TTLL11: variants seen among roughly 807,000 people sequenced by gnomAD.
TTLL11 encodes the protein tubulin polyglutamylase TTLL11.
TTLL11 carries 42 observed loss-of-function variants against 51.7 expected under a neutral mutation model. The ratio of observed to expected loss-of-function variants is 0.81; its 90% confidence interval spans 0.64 to 1.05. The LOEUF (loss-of-function observed/expected upper bound fraction) is 1.05, where lower values mean the gene tolerates loss of function less well. TTLL11 is among the 50% of genes least tolerant of loss of function. The pLI is 0.00. For missense variants in TTLL11, 799 were observed against 940.4 expected (o/e 0.85, Z 1.97); for synonymous variants, 381 against 383.5 (o/e 0.99, Z 0.08).
At chr9:121,899,402 T>TACAC (rs1323281447) in intron 6 of TTLL11, among the ~76,000 whole-genome samples, 6 of 82,788 alleles carry the variant, frequency 7.2e-5, no homozygotes, top group African/African-American at 2.1e-4. Context: ...TATATATATA[T>TACAC]ACACACACAC....
intron 1 of TTLL11, among the ~76,000 whole-genome samples, chr9:122,056,991 T>A (rs1242307114): frequency 6.6e-6 from 1 of 152,088 alleles, no homozygotes; most frequent in African/African-American, 2.4e-5. Flanking sequence ...CACAGAGGAA[T>A]CATAGAGGAA....
At chr9:122,084,689 A>G (rs1846079040) in intron 1 of TTLL11, among the ~76,000 whole-genome samples, 1 of 152,232 alleles carries the variant, frequency 6.6e-6, no homozygotes, top group Admixed American at 6.5e-5. Flanking sequence ...ATGTATTCTT[A>G]CTTTAAAGTG....
chr9:122,042,634 G>A (rs1844876315), intron 1 of TTLL11, among the ~76,000 whole-genome samples: 1 of 152,196 alleles, frequency 6.6e-6, no homozygotes, highest in Admixed American at 6.5e-5. Flanking sequence ...AATGTTTATA[G>A]CAGCTGTATT....
rs560363170 is a variant in TTLL11 at position 121,972,488 on chromosome 9, G to C, written c.1481+1521C>G. Among the ~76,000 whole-genome samples the C allele has an allele frequency of 2.5e-4, 38 of 152,348 alleles. 1 individual carries two copies. The highest frequency in any genetic ancestry group is 8.9e-4 in the African/African-American group (37 of 41,592). ...TGATCGGTGGAAGAAGCCACACCTG[G>C]TGGGATTGGCCCATGCAAACTACAG... On this transcript the variant is annotated intron_variant, in intron 6 of 8. Transcript: ENST00000321582.
intron 8 of TTLL11, among the ~76,000 whole-genome samples, chr9:121,841,322 C>T (rs1403680896): frequency 6.6e-6 from 1 of 152,178 alleles, no homozygotes; most frequent in African/African-American, 2.4e-5. Flanking sequence ...CTGTATCCTG[C>T]AGGTAGCAGG....
chr9:122,061,605 T>C (rs1338683820), intron 1 of TTLL11, among the ~76,000 whole-genome samples: 1 of 152,226 alleles, frequency 6.6e-6, no homozygotes, highest in Admixed American at 6.5e-5. Context: ...CATTTCATGA[T>C]TAGACTAGTA....
At chr9:122,031,486 G>A (rs1218042582) in intron 3 of TTLL11, among the ~76,000 whole-genome samples, 5 of 152,086 alleles carry the variant, frequency 3.3e-5, no homozygotes, top group Admixed American at 1.3e-4. Context: ...TTTGATATCC[G>A]CCTTAGGGCT....
At chr9:121,993,085 C>A (rs775212896) in intron 3 of TTLL11, among the ~76,000 whole-genome samples, 1 of 149,646 alleles carries the variant, frequency 6.7e-6, no homozygotes, top group Non-Finnish European at 1.5e-5. Context: ...CAGTCAAATT[C>A]ATAGAGACAG....
chr9:121,832,713 G>A (rs561266775), intron 8 of TTLL11, among the ~76,000 whole-genome samples: 1 of 152,162 alleles, frequency 6.6e-6, no homozygotes, highest in African/African-American at 2.4e-5. Context: ...GCCAAAGTGG[G>A]TGGATCACCT....
At chr9:121,920,508 C>T (rs564311443) in intron 6 of TTLL11, among the ~76,000 whole-genome samples, 10 of 152,168 alleles carry the variant, frequency 6.6e-5, no homozygotes, top group South Asian at 2.1e-4. Flanking sequence ...AGCAAATCAT[C>T]GGGAAGCAAA....
intron 8 of TTLL11, among the ~76,000 whole-genome samples, chr9:121,836,280 G>T (rs1837176943): frequency 6.6e-6 from 1 of 152,130 alleles, no homozygotes; most frequent in South Asian, 2.1e-4. Flanking sequence ...CTGGTAGTGG[G>T]GATAAAAAAC....
At chr9:121,891,412 T>C (rs1839226437) in intron 6 of TTLL11, among the ~76,000 whole-genome samples, 1 of 152,194 alleles carries the variant, frequency 6.6e-6, no homozygotes. Flanking sequence ...AGCAGTTCAG[T>C]GCTAGCCTTT....
chr9:121,929,938 G>A (rs1840903622), intron 6 of TTLL11, among the ~76,000 whole-genome samples: 1 of 152,242 alleles, frequency 6.6e-6, no homozygotes. Flanking sequence ...CTGCTGCTAA[G>A]AAGACAAATA....
rs146613774 is a variant in TTLL11, at chr9:121,909,888, A to G, written c.1482-39140T>C. Among the ~76,000 whole-genome samples the G allele has an allele frequency of 3.9e-3, 597 of 152,268 alleles. 7 individuals are homozygous for G. The highest frequency in any genetic ancestry group is 0.014 in the African/African-American group (575 of 41,564). On this transcript the variant is annotated intron_variant, in intron 6 of 8. Coordinates refer to ENST00000321582, the MANE Select transcript of TTLL11 (RefSeq NM_001139442.2). ...GGTAAGAAGAGAGGAATGCCTGGGAAAGGAGGAATGTCTGCAAAGGAAATT... is the reference window on the plus strand; with the variant it reads ...GGTAAGAAGAGAGGAATGCCTGGGAGAGGAGGAATGTCTGCAAAGGAAATT...
chr9:122,035,253 G>T (rs1387093370), intron 2 of TTLL11, among the ~76,000 whole-genome samples: 1 of 152,134 alleles, frequency 6.6e-6, no homozygotes, highest in Non-Finnish European at 1.5e-5. Flanking sequence ...GAGGTTGACT[G>T]CCCACCTAGG....
Position 122,058,368 on chromosome 9 carries a change from A to G in TTLL11, c.463-19000T>C, listed in dbSNP as rs115127224. On this transcript the variant is annotated intron_variant, in intron 1 of 8. Transcript: ENST00000321582. Reference sequence around the variant, plus strand: ...AGTGGAGACAGAATCCATAAGCCTCAAGACCAATTTTAATGTGAAACTGCT... The same window carrying G: ...AGTGGAGACAGAATCCATAAGCCTCGAGACCAATTTTAATGTGAAACTGCT... Among the ~76,000 whole-genome samples, 1,113 of 152,336 alleles carry G rather than the reference A, an allele frequency of 7.3e-3. 16 individuals carry two copies. The highest frequency in any genetic ancestry group is 0.026 in the African/African-American group (1,072 of 41,576).
At chr9:121,937,616 T>G (rs990746688) in intron 6 of TTLL11, among the ~76,000 whole-genome samples, 1 of 150,946 alleles carries the variant, frequency 6.6e-6, no homozygotes. Flanking sequence ...AATAAATGTT[T>G]GGTGATTCGA....
intron 8 of TTLL11, among the ~76,000 whole-genome samples, chr9:121,829,714 C>T (rs1836936669): frequency 1.3e-5 from 2 of 150,608 alleles, no homozygotes; most frequent in African/African-American, 4.9e-5. Flanking sequence ...TTAATATCTT[C>T]ATTCTTTTCT....
At chr9:121,988,348 C>G (rs1164627002) in intron 4 of TTLL11, among the ~76,000 whole-genome samples, 1 of 151,926 alleles carries the variant, frequency 6.6e-6, no homozygotes, top group Non-Finnish European at 1.5e-5. Flanking sequence ...TTAAAATTCT[C>G]CAGGGACCAC....
Sources: gnomAD v4.1 joint callset for allele counts (sites outside exome capture counted in the v4.1 genomes callset) on GRCh38, gnomAD v4.1.1 for gene constraint, MANE v1.5 for transcripts, NCBI Gene and HGNC (gene_info 2026-07-23, HGNC 2026-07-21) for gene names.